Variants in VAMP7 observed in about 807,000 individuals in gnomAD.
VAMP7 encodes the protein vesicle-associated membrane protein 7.
A neutral mutation model predicts 29.6 loss-of-function variants in VAMP7; 14 were observed. That is an observed-to-expected ratio of 0.47 (90% CI 0.31 to 0.74). The LOEUF (loss-of-function observed/expected upper bound fraction) is 0.74. Among genes scored for constraint, VAMP7 ranks in the 30% least tolerant of loss-of-function variants. VAMP7 has a pLI of 0.05. For synonymous variants in VAMP7, 95 were observed against 88.1 expected, an observed-to-expected ratio of 1.08 and a Z score of -0.44; for missense variants, 223 against 262.4, an observed-to-expected ratio of 0.85 and a Z score of 1.04.
intron 6 of VAMP7, among the ~76,000 whole-genome samples, chrX:155,938,100 G>A (rs1479925618): frequency 1.3e-5 from 2 of 152,028 alleles, no homozygotes; most frequent in Non-Finnish European, 2.9e-5. Context: ...ATTATGTCTT[G>A]TATCTGAGGA....
At chrX:155,909,018 G>T (rs2066194001) in intron 5 of VAMP7, among the ~76,000 whole-genome samples, 4 of 151,998 alleles carry the variant, frequency 2.6e-5, no homozygotes, top group Non-Finnish European at 5.9e-5. Context: ...GTAGAGACAA[G>T]GTCTTGCCAT....
intron 5 of VAMP7, among the ~76,000 whole-genome samples, chrX:155,912,932 CCA>C (rs2066258832): frequency 1.3e-5 from 2 of 152,176 alleles, no homozygotes; most frequent in African/African-American, 4.8e-5. Context: ...TGAGGAATCG[CCA>C]CACTGTCTTT....
intron 2 of VAMP7, among the ~76,000 whole-genome samples, chrX:155,894,661 G>A (rs1472850920): frequency 6.6e-6 from 1 of 151,930 alleles, no homozygotes; most frequent in African/African-American, 2.4e-5. Context: ...TGTTACCCAG[G>A]CTGGAGTGCA....
chrX:155,929,725 TAGTG>T (rs2066520444), intron 6 of VAMP7, among the ~76,000 whole-genome samples: 1 of 152,110 alleles, frequency 6.6e-6, no homozygotes, highest in Non-Finnish European at 1.5e-5. Flanking sequence ...TTAAAGAACT[TAGTG>T]AGGTCTCAAG....
intron 1 of VAMP7, among the ~76,000 whole-genome samples, chrX:155,888,311 A>T (rs1215816810): frequency 6.6e-6 from 1 of 152,158 alleles, no homozygotes; most frequent in East Asian, 1.9e-4. Flanking sequence ...ATCCAGACAG[A>T]CTTGTATTAA....
chrX:155,915,650 C>G (rs2066301137), intron 5 of VAMP7, among the ~76,000 whole-genome samples: 1 of 152,148 alleles, frequency 6.6e-6, no homozygotes, highest in Non-Finnish European at 1.5e-5. Flanking sequence ...ACAGGTTGTT[C>G]ATTTTCCATG....
chrX:155,909,379 A>T (rs2066200615), intron 5 of VAMP7, among the ~76,000 whole-genome samples: 1 of 152,110 alleles, frequency 6.6e-6, no homozygotes, highest in African/African-American at 2.4e-5. Context: ...TTACTTGGTC[A>T]TTCTACGTAA....
At chrX:155,927,787 A>T (rs1352064695) in intron 6 of VAMP7, among the ~76,000 whole-genome samples, 2 of 138,560 alleles carry the variant, frequency 1.4e-5, no homozygotes, top group African/African-American at 2.7e-5. Context: ...TTTTAAAGTG[A>T]GTGCTTTAAA....
Position 155,943,232 on chromosome X carries a change from T to A in VAMP7, c.*1281T>A, listed in dbSNP as rs1053236048. 6.6e-6 allele frequency: 1 copy of A among 151,340 alleles called. No individual in the cohort carries two copies. The allele number at this position is 151,340 out of a possible 1,614,324, so 9.4% of individuals were successfully genotyped here. ...TAAGTGCCATTAAATTGAAATTATA[T>A]TACATTTTACACTTTCTCAATGAAT... On this transcript the variant is annotated 3_prime_UTR_variant, in exon 8 of 8. Coordinates refer to ENST00000286448, the MANE Select transcript of VAMP7 (RefSeq NM_005638.6).
At chrX:155,883,508 A>G (rs1344061926) in intron 1 of VAMP7, among the ~76,000 whole-genome samples, 2 of 152,136 alleles carry the variant, frequency 1.3e-5, no homozygotes. Context: ...CATTCTGCCA[A>G]TGAACTCTTG....
chrX:155,923,268 A>G (rs1420932600), intron 6 of VAMP7, among the ~76,000 whole-genome samples: 2 of 151,874 alleles, frequency 1.3e-5, no homozygotes, highest in African/African-American at 2.4e-5. Flanking sequence ...AGTGCTCTTA[A>G]TTCTTTTGTG....
intron 6 of VAMP7, among the ~76,000 whole-genome samples, chrX:155,930,956 T>C (rs923768625): frequency 6.6e-6 from 1 of 151,926 alleles, no homozygotes; most frequent in African/African-American, 2.4e-5. Context: ...TGAGAACATG[T>C]GGTGTTTGGT....
intron 6 of VAMP7, among the ~76,000 whole-genome samples, chrX:155,920,305 A>G (rs1319550531): frequency 6.6e-6 from 1 of 152,180 alleles, no homozygotes; most frequent in Non-Finnish European, 1.5e-5. Context: ...CTTGCCTTGT[A>G]TCAATCAAGA....
In VAMP7 at chrX:155,919,698, C is replaced by T. The variant is rs757501062; in HGVS notation, c.434-115C>T. On this transcript the variant is annotated intron_variant, in intron 5 of 7. Transcript: ENST00000286448. ...TGGTGTCACCAGTGGGTGAAGCATG[C>T]CTGTCCTTTGGCCCCAGGACAGTGT... 168 of 872,942 alleles carry T rather than the reference C, an allele frequency of 1.9e-4. No homozygotes were observed. The African/African-American group carries it at 2.4e-3, about 13-fold the overall frequency. The allele number at this position is 872,942 out of a possible 1,614,324, so 54.1% of individuals were successfully genotyped here. A position where few individuals can be genotyped will look rare whatever the true frequency, so the allele number is the denominator to read the frequency against.
chrX:155,915,069 C>G (rs1272496406), intron 5 of VAMP7, among the ~76,000 whole-genome samples: 2 of 152,096 alleles, frequency 1.3e-5, no homozygotes, highest in Non-Finnish European at 2.9e-5. Flanking sequence ...AGGGATTTGA[C>G]TTCTTCCTGG....
chrX:155,894,409 GCA>G (rs1421203142), intron 2 of VAMP7, among the ~76,000 whole-genome samples: 3 of 149,420 alleles, frequency 2.0e-5, no homozygotes, highest in Non-Finnish European at 4.4e-5. Flanking sequence ...TTAGGATAAT[GCA>G]CAGTGTGGTT....
intron 6 of VAMP7, among the ~76,000 whole-genome samples, chrX:155,936,540 C>G (rs970505717): frequency 3.9e-5 from 6 of 152,184 alleles, no homozygotes; most frequent in Non-Finnish European, 5.9e-5. Flanking sequence ...TTGCTAAGAC[C>G]GTTGGAAAAG....
At chrX:155,895,103 T>A (rs906116059) in intron 2 of VAMP7, among the ~76,000 whole-genome samples, 4 of 152,204 alleles carry the variant, frequency 2.6e-5, no homozygotes, top group Admixed American at 6.5e-5. Context: ...TTTGCCATGC[T>A]GCACTGTAAT....
intron 2 of VAMP7, among the ~76,000 whole-genome samples, chrX:155,895,346 A>G (rs1216699056): frequency 6.6e-6 from 1 of 152,214 alleles, no homozygotes; most frequent in Non-Finnish European, 1.5e-5. Context: ...ATGCTTTAAG[A>G]GTCCAATTAT....
Sources: gnomAD v4.1 joint callset for allele counts (sites outside exome capture counted in the v4.1 genomes callset) on GRCh38, gnomAD v4.1.1 for gene constraint, MANE v1.5 for transcripts, NCBI Gene and HGNC (gene_info 2026-07-23, HGNC 2026-07-21) for gene names.